The following RBM47 variants were observed in gnomAD, a reference collection of about 807,000 sequenced individuals.
RBM47 encodes RNA-binding protein 47.
In RBM47, 21 loss-of-function variants were observed where a neutral mutation model predicts 47.1. That is an observed-to-expected ratio of 0.45 (90% CI 0.32 to 0.64). The LOEUF (loss-of-function observed/expected upper bound fraction) is 0.64, where lower values mean the gene tolerates loss of function less well. RBM47 is among the 30% of genes least tolerant of loss of function. RBM47 has a pLI of 0.05. For synonymous variants in RBM47, 375 were observed against 361.7 expected (o/e 1.04, Z -0.42); for missense variants, 708 against 870.9 (o/e 0.81, Z 2.35).
intron 3 of RBM47, among the ~76,000 whole-genome samples, chr4:40,458,072 T>A (rs1438586523): frequency 6.6e-6 from 1 of 152,268 alleles, no homozygotes; most frequent in Non-Finnish European, 1.5e-5. Context: ...AATTTGAAAC[T>A]ATATTAGTAG....
intron 2 of RBM47, among the ~76,000 whole-genome samples, chr4:40,511,612 G>A (rs899397815): frequency 6.6e-6 from 1 of 152,178 alleles, no homozygotes; most frequent in Admixed American, 6.5e-5. Context: ...CCTAACAGGA[G>A]GATCCAACGT....
chr4:40,611,467 C>T (rs1474938161), intron 1 of RBM47, among the ~76,000 whole-genome samples: 1 of 152,134 alleles, frequency 6.6e-6, no homozygotes, highest in Non-Finnish European at 1.5e-5. Context: ...GTGGCTCACG[C>T]CTGTAATCCC....
At chr4:40,439,035 G>T in intron 3 of RBM47, 111 bp from the exon 4 acceptor site, 1 of 938,902 alleles carries the variant, frequency 1.1e-6, no homozygotes, top group Non-Finnish European at 1.5e-6. Flanking sequence ...AAGGGGAGGT[G>T]GTTTAAATGA....
chr4:40,560,913 C>T (rs1016060914), intron 1 of RBM47, among the ~76,000 whole-genome samples: 7 of 151,312 alleles, frequency 4.6e-5, no homozygotes, highest in African/African-American at 1.2e-4. Context: ...TGCAGTGAGC[C>T]GAGAACGCGC....
At chr4:40,536,719 T>TG (rs1560453500) in intron 2 of RBM47, among the ~76,000 whole-genome samples, 12 of 103,196 alleles carry the variant, frequency 1.2e-4, no homozygotes, top group African/African-American at 5.1e-4. Flanking sequence ...GTGTGTGTGT[T>TG]TTTGTTTTTT....
chr4:40,504,327 G>A (rs566529076), intron 2 of RBM47, among the ~76,000 whole-genome samples: 238 of 135,700 alleles, frequency 1.8e-3, no homozygotes, highest in African/African-American at 6.4e-3. Flanking sequence ...GTCTTGCTGT[G>A]TCACCCAGTC....
At chr4:40,583,870 A>C (rs1008903689) in intron 1 of RBM47, among the ~76,000 whole-genome samples, 6 of 54,726 alleles carry the variant, frequency 1.1e-4, no homozygotes, top group African/African-American at 2.2e-4. Flanking sequence ...AAAAAAAAAA[A>C]CAAAAAACAA....
intron 1 of RBM47, among the ~76,000 whole-genome samples, chr4:40,589,304 A>G (rs1245364957): frequency 1.3e-5 from 2 of 152,056 alleles, no homozygotes; most frequent in African/African-American, 4.8e-5. Context: ...GATGTTCTAA[A>G]CTTACTGTGT....
At chr4:40,625,551 T>C (rs1737663905) in intron 1 of RBM47, among the ~76,000 whole-genome samples, 1 of 152,212 alleles carries the variant, frequency 6.6e-6, no homozygotes, top group African/African-American at 2.4e-5. Flanking sequence ...CACCCACATG[T>C]GGATTATCCA....
chr4:40,481,445 G>GTATTAT (rs71647001), intron 2 of RBM47, among the ~76,000 whole-genome samples: 2,118 of 126,912 alleles, frequency 0.017, 26 homozygotes, highest in Non-Finnish European at 0.023. Context: ...GCTAATTTTT[G>GTATTAT]TATTATTATT....
rs188419418 is a variant in RBM47 at position 40,495,724 on chromosome 4, G to A, written c.-154-29025C>T. On this transcript the variant is annotated intron_variant, in intron 2 of 6. Transcript: ENST00000295971. ...GGTGCTAATCTAACATTTCTTTGAA[G>A]AGGCATGCTAGCACTCAGACTGAAA... Among the ~76,000 whole-genome samples the A allele has an allele frequency of 3.2e-4, 48 of 152,288 alleles. 1 individual carries two copies. The East Asian group carries it at 5.0e-3, about 16-fold the overall frequency.
intron 1 of RBM47, among the ~76,000 whole-genome samples, chr4:40,576,219 CT>C (rs1377128113): frequency 1.4e-5 from 2 of 139,736 alleles, no homozygotes; most frequent in South Asian, 2.3e-4. Flanking sequence ...CAGCCTATTT[CT>C]TTTTTTCTTT....
chr4:40,609,340 AC>A (rs1736047344), intron 1 of RBM47, among the ~76,000 whole-genome samples: 1 of 139,620 alleles, frequency 7.2e-6, no homozygotes, highest in Non-Finnish European at 1.5e-5. Context: ...TGAGACTGAG[AC>A]TCACTCTATG....
chr4:40,614,021 C>G (rs1490805697), intron 1 of RBM47, among the ~76,000 whole-genome samples: 4 of 151,826 alleles, frequency 2.6e-5, no homozygotes, highest in Non-Finnish European at 4.4e-5. Context: ...TTGTGACAAC[C>G]AAAAACATCT....
intron 1 of RBM47, among the ~76,000 whole-genome samples, chr4:40,619,963 C>T (rs1737100811): frequency 1.3e-5 from 2 of 152,040 alleles, no homozygotes; most frequent in African/African-American, 4.8e-5. Flanking sequence ...TTCGGGAGGC[C>T]GAGGCCGCGG....
chr4:40,581,442 A>AAATAAATAAATAAAT (rs1553904680), intron 1 of RBM47, among the ~76,000 whole-genome samples: 8 of 141,040 alleles, frequency 5.7e-5, no homozygotes, highest in Admixed American at 4.1e-4. Context: ...AATAATAAAT[A>AAATAAATAAATAAAT]AATAAATAAA....
At chr4:40,606,613 C>T (rs761198648) in intron 1 of RBM47, among the ~76,000 whole-genome samples, 1 of 152,148 alleles carries the variant, frequency 6.6e-6, no homozygotes, top group Non-Finnish European at 1.5e-5. Context: ...TGAAGCCACA[C>T]TGCCTGGATT....
At chr4:40,507,584 C>G (rs1404579782) in intron 2 of RBM47, among the ~76,000 whole-genome samples, 2 of 152,106 alleles carry the variant, frequency 1.3e-5, no homozygotes, top group African/African-American at 4.8e-5. Context: ...GTCAGGAATT[C>G]AAGACCAGCC....
Position 40,623,279 on chromosome 4 carries a change from T to C in RBM47, c.-240+6117A>G, listed in dbSNP as rs76461033. Among the ~76,000 whole-genome samples, 929 of 152,340 alleles carry C rather than the reference T, an allele frequency of 6.1e-3. 5 individuals carry two copies. The highest frequency in any genetic ancestry group is 9.5e-3 in the Non-Finnish European group (645 of 68,034). On this transcript the variant is annotated intron_variant, in intron 1 of 6. Coordinates refer to ENST00000295971, the MANE Select transcript of RBM47 (RefSeq NM_001098634.2). ...GAGGTCCCTGGGCCAAACTACTGTT[T>C]GCACCAAATGGGAAGGGCTAACTTG...
Sources: allele counts gnomAD v4.1 joint callset (sites outside exome capture counted in the v4.1 genomes callset), GRCh38; gene constraint gnomAD v4.1.1; transcripts MANE v1.5; gene names NCBI Gene and HGNC (gene_info 2026-07-23, HGNC 2026-07-21).